The following CCDC88A variants were observed in gnomAD, a reference collection of about 807,000 sequenced individuals.
CCDC88A encodes girdin.
A neutral mutation model predicts 234.3 loss-of-function variants in CCDC88A; 54 were observed. The ratio of observed to expected loss-of-function variants is 0.23; its 90% CI spans 0.19 to 0.29. CCDC88A has a LOEUF of 0.29. Ranked by LOEUF, CCDC88A falls within the 10% of genes least tolerant of loss-of-function variation. CCDC88A has a pLI of 1.00. For synonymous variants in CCDC88A, 753 were observed against 737.8 expected (o/e 1.02, Z -0.33); for missense variants, 1,832 against 2,123.4 (o/e 0.86, Z 2.70).
chr2:55,395,841 A>T lies in CCDC88A; in HGVS notation c.165-6955T>A, dbSNP rs921495616. Among the ~76,000 whole-genome samples, 13 of 152,366 alleles carry T rather than the reference A, an allele frequency of 8.5e-5. 1 individual carries two copies. Among genetic ancestry groups the T allele is most frequent in the African/African-American group, 3.1e-4 (13 of 41,586 alleles). ...TGATTTATGCTTATTGCAAGAAAAT[A>T]GTGAAAAACTCAGAATAGCCCAAGG... is the stretch of plus-strand genomic sequence containing the variant. On this transcript the variant is annotated intron_variant, in intron 2 of 32. Transcript: ENST00000436346.
intron 22 of CCDC88A, chr2:55,313,687 A>ATTTGTTAAT (rs1682616002): frequency 1.3e-5 from 2 of 152,156 alleles, no homozygotes; most frequent in African/African-American, 4.8e-5. Flanking sequence ...GTATTAAAAA[A>ATTTGTTAAT]GCAAAAGCAA....
intron 29 of CCDC88A, 121 bp from the exon 30 acceptor site, chr2:55,296,644 T>C: frequency 2.2e-6 from 2 of 893,500 alleles, no homozygotes; most frequent in South Asian, 1.7e-5. Context: ...TTTCAAGCTT[T>C]ATTTAGAAAT....
At chr2:55,355,049 T>C (rs185983672) in intron 8 of CCDC88A, among the ~76,000 whole-genome samples, 70 of 151,076 alleles carry the variant, frequency 4.6e-4, no homozygotes, top group African/African-American at 1.6e-3. Context: ...TGTGGTCCAT[T>C]GTTAACTGAA....
chr2:55,374,662 T>C, intron 4 of CCDC88A, 152 bp downstream of exon 4: 1 of 472,518 alleles, frequency 2.1e-6, no homozygotes, highest in Non-Finnish European at 3.9e-6. Flanking sequence ...ATTCTAAGCT[T>C]GTCTCTTTCT....
chr2:55,337,760 A>C (rs1310837611), intron 13 of CCDC88A: 1 of 152,212 alleles, frequency 6.6e-6, no homozygotes, highest in East Asian at 1.9e-4. Context: ...GGACTGCTTA[A>C]GCCTGAGAAG....
Position 55,414,231 on chromosome 2 carries a change from C to T in CCDC88A, c.164+4585G>A, listed in dbSNP as rs77701036. ...AACCGTTTGGGTAATATGAATTGGA[C>T]GTTTTTAAAATTTTAGGAGTATGAA... On this transcript the variant is annotated intron_variant, in intron 2 of 32. Coordinates refer to ENST00000436346, the MANE Select transcript of CCDC88A (RefSeq NM_001365480.1). Among the ~76,000 whole-genome samples the T allele has an allele frequency of 4.2e-3, 645 of 152,204 alleles. 4 individuals carry two copies. The highest frequency in any genetic ancestry group is 0.015 in the African/African-American group (620 of 41,522).
intron 29 of CCDC88A, 54 bp from the exon 30 acceptor site, chr2:55,296,577 T>C: frequency 6.6e-7 from 1 of 1,512,658 alleles, no homozygotes; most frequent in Non-Finnish European, 9.0e-7. Context: ...AGATTAATAC[T>C]TCATGAGTAA....
rs140000092 is a variant in CCDC88A, at chr2:55,369,810, C to T, written c.402+2642G>A. Among the ~76,000 whole-genome samples the T allele has an allele frequency of 2.3e-4, 35 of 152,232 alleles. 2 individuals carry two copies. The East Asian group carries it at 3.5e-3, about 15-fold the overall frequency. ...ACCTTGTCAGAGGGCTTTCCTAATA[C>T]TACCAGTAAACTTAAGAAAATACTT... On this transcript the variant is annotated intron_variant, in intron 5 of 32. Transcript: ENST00000436346.
intron 8 of CCDC88A, 193 bp from the exon 9 acceptor site, chr2:55,349,792 C>T (rs1669641165): frequency 2.1e-6 from 1 of 486,210 alleles, no homozygotes; most frequent in African/African-American, 2.0e-5. Flanking sequence ...AATAAAACCT[C>T]TTCCCTAATG....
intron 17 of CCDC88A, among the ~76,000 whole-genome samples, chr2:55,325,053 C>A (rs748459768): frequency 6.6e-6 from 1 of 152,214 alleles, no homozygotes; most frequent in Non-Finnish European, 1.5e-5. Flanking sequence ...CAATTTGCAC[C>A]AATATTTGAT....
At chr2:55,414,854 A>C (rs1681088955) in intron 2 of CCDC88A, among the ~76,000 whole-genome samples, 1 of 151,998 alleles carries the variant, frequency 6.6e-6, no homozygotes, top group Non-Finnish European at 1.5e-5. Context: ...TCACGAGGTC[A>C]GGAGATCGAG....
intron 15 of CCDC88A, among the ~76,000 whole-genome samples, chr2:55,333,288 A>G (rs1685140393): frequency 6.6e-6 from 1 of 152,224 alleles, no homozygotes; most frequent in African/African-American, 2.4e-5. Context: ...GGGTTATCAC[A>G]TATTATAATG....
intron 15 of CCDC88A, among the ~76,000 whole-genome samples, chr2:55,333,502 G>A (rs1992127): frequency 0.39 from 59,648 of 151,890 alleles, 12,439 homozygotes; most frequent in East Asian, 0.85. Flanking sequence ...TGGGGCTTTG[G>A]AGTCTGAAAA....
rs1681964895 is a variant in CCDC88A at position 55,308,789 on chromosome 2, T to G, written c.4387+20A>C. On this transcript the variant is annotated intron_variant, in intron 25 of 32. Transcript: ENST00000436346. ...AAGGATTCTAAATCAATACGATGTT[T>G]AAAGAGTTTAAGCACTCACTGCTGC... The G allele has an allele frequency of 6.3e-7, 1 of 1,582,856 alleles. No individual in the cohort carries two copies. The highest frequency in any genetic ancestry group is 2.2e-5 in the East Asian group (1 of 44,702).
intron 29 of CCDC88A, among the ~76,000 whole-genome samples, 183 bp downstream of exon 29, chr2:55,299,656 T>C (rs1055281538): frequency 8.5e-5 from 13 of 152,254 alleles, no homozygotes; most frequent in African/African-American, 2.9e-4. Context: ...CTCCTGTTTT[T>C]ACATTTGTAT....
intron 31 of CCDC88A, chr2:55,295,288 C>G (rs1679896973): frequency 7.1e-7 from 1 of 1,407,222 alleles, no homozygotes; most frequent in South Asian, 1.2e-5. Context: ...ATTCTGATAA[C>G]TGGCCTAGGA....
intron 5 of CCDC88A, among the ~76,000 whole-genome samples, chr2:55,368,579 C>T (rs1672356489): frequency 6.6e-6 from 1 of 151,772 alleles, no homozygotes; most frequent in Non-Finnish European, 1.5e-5. Flanking sequence ...CTGCCTCAAC[C>T]TCCCATAGTG....
intron 8 of CCDC88A, chr2:55,355,369 G>A (rs1670430298): frequency 1.0e-5 from 5 of 495,222 alleles, no homozygotes; most frequent in Non-Finnish European, 1.4e-5. Flanking sequence ...ATACTAGAAT[G>A]CTAGAAAGGC....
rs1323110279 is a variant in CCDC88A at position 55,332,917 on chromosome 2, G to T, written c.2728-224C>A. 2.0e-5 allele frequency among the ~76,000 whole-genome samples: 3 copies of T among 152,090 alleles called. No individual in the cohort carries two copies. The highest frequency in any genetic ancestry group is 4.4e-5 in the Non-Finnish European group (3 of 68,006). The stretch of plus-strand genomic sequence containing the variant: ...ATACTTTAAACAAAACCTTAAAAGG[G>T]AGTAGTAACTCTTTACTTGTGAATA... On this transcript the variant is annotated intron_variant, in intron 15 of 32. Transcript: ENST00000436346. This position sits in a 1 kb window ranked among gnomAD's most constrained non-coding sequence, Gnocchi z 4.5.
Sources: gnomAD v4.1 joint callset for allele counts (sites outside exome capture counted in the v4.1 genomes callset) on GRCh38, gnomAD v4.1.1 for gene constraint, Gnocchi (gnomAD v3.1) non-coding constraint, MANE v1.5 for transcripts, NCBI Gene and HGNC (gene_info 2026-07-23, HGNC 2026-07-21) for gene names.